RBM47: variants seen among roughly 807,000 people sequenced by gnomAD.
RBM47 encodes RNA-binding protein 47.
Under a neutral mutation model 47.1 loss-of-function variants are expected in RBM47, and 21 were observed. That is an observed-to-expected ratio of 0.45 (90% CI 0.32 to 0.64). The LOEUF is 0.64. Among genes scored for constraint, RBM47 ranks in the 30% least tolerant of loss-of-function variants. The pLI, the probability that RBM47 is intolerant of heterozygous loss-of-function variation, is 0.05. For missense variants in RBM47, 708 were observed against 870.9 expected, an observed-to-expected ratio of 0.81 and a Z score of 2.35; for synonymous variants, 375 against 361.7, an observed-to-expected ratio of 1.04 and a Z score of -0.42.
At chr4:40,470,629 C>T (rs920437340) in intron 2 of RBM47, among the ~76,000 whole-genome samples, 1 of 152,180 alleles carries the variant, frequency 6.6e-6, no homozygotes, top group Admixed American at 6.5e-5. Flanking sequence ...AGTCTAATAT[C>T]AAGTCATGTC....
Position 40,436,648 on chromosome 4 carries a change from C to T in RBM47, c.1124-1G>A. ...CGCCCTCGGCCTCTTATGCTGCCTG[C>T]TTGTAATAACAACACAAAAGATGAT... is the stretch of plus-strand genomic sequence containing the variant. On this transcript the variant is annotated splice_acceptor_variant, in intron 4 of 6. Transcript: ENST00000295971. LOFTEE classifies it high-confidence loss of function. 6.2e-7 allele frequency: 1 copy of T among 1,613,574 alleles called. No homozygotes were observed. The highest frequency in any genetic ancestry group is 8.5e-7 in the Non-Finnish European group (1 of 1,179,816).
At chr4:40,619,492 G>A (rs1002898198) in intron 1 of RBM47, among the ~76,000 whole-genome samples, 8 of 152,160 alleles carry the variant, frequency 5.3e-5, no homozygotes, top group African/African-American at 1.7e-4. Flanking sequence ...ATGGTCTTTA[G>A]TGACCCACAT....
chr4:40,560,038 C>T (rs1730460820), intron 1 of RBM47, among the ~76,000 whole-genome samples: 1 of 152,160 alleles, frequency 6.6e-6, no homozygotes, highest in Non-Finnish European at 1.5e-5. Context: ...CTTGATATTA[C>T]TCTCTTATTT....
chr4:40,438,082 G>T lies in RBM47; in HGVS notation c.812C>A (p.Pro271His), dbSNP rs781752324. 1.2e-6 allele frequency: 2 copies of T among 1,613,714 alleles called. No individual in the cohort carries two copies. Among genetic ancestry groups the T allele is most frequent in the African/African-American group, 2.7e-5 (2 of 74,922 alleles). Reference sequence around the variant, plus strand: ...CTTCTTGACGCGCTCCACGCAGCCGGGGTTGAACTGGCCGAAGCTCTTCTT... The same window carrying T: ...CTTCTTGACGCGCTCCACGCAGCCGTGGTTGAACTGGCCGAAGCTCTTCTT... ...TIKKSFGQFNPGCVERVKKIR... is the reference protein window; with the variant it reads ...TIKKSFGQFNHGCVERVKKIR... Residue 271 changes from proline (P) to histidine (H), a missense_variant, in exon 4 of 7, where the codon CCC (proline) becomes CAC (histidine). Transcript: ENST00000295971.
chr4:40,530,288 T>C (rs1225050530), intron 2 of RBM47, among the ~76,000 whole-genome samples: 1 of 151,910 alleles, frequency 6.6e-6, no homozygotes, highest in Non-Finnish European at 1.5e-5. Flanking sequence ...TTAATTTTAA[T>C]TAAATTATTA....
intron 2 of RBM47, among the ~76,000 whole-genome samples, chr4:40,516,315 C>T (rs1438065834): frequency 1.4e-5 from 2 of 144,556 alleles, no homozygotes; most frequent in Admixed American, 1.4e-4. Flanking sequence ...GGCTGGAGTG[C>T]AGTGGCACAA....
At chr4:40,596,225 G>A (rs1177663492) in intron 1 of RBM47, among the ~76,000 whole-genome samples, 6 of 152,242 alleles carry the variant, frequency 3.9e-5, no homozygotes, top group Admixed American at 3.9e-4. Context: ...AGAGCAAGAG[G>A]AAAGAAGCTT....
At chr4:40,611,245 T>A (rs1736232426) in intron 1 of RBM47, among the ~76,000 whole-genome samples, 1 of 152,226 alleles carries the variant, frequency 6.6e-6, no homozygotes, top group Non-Finnish European at 1.5e-5. Context: ...AATGAATATC[T>A]CTATTCTAGA....
chr4:40,471,713 G>A (rs1718900206), intron 2 of RBM47, among the ~76,000 whole-genome samples: 1 of 150,102 alleles, frequency 6.7e-6, no homozygotes, highest in Non-Finnish European at 1.5e-5. Context: ...AAAAAAGGAA[G>A]CGTTTTATCA....
At chr4:40,537,991 G>A (rs1030402458) in intron 2 of RBM47, among the ~76,000 whole-genome samples, 2 of 131,342 alleles carry the variant, frequency 1.5e-5, no homozygotes, top group Non-Finnish European at 3.2e-5. Context: ...AGGCGTGTGC[G>A]TGTGCCACCA....
intron 5 of RBM47, among the ~76,000 whole-genome samples, chr4:40,435,812 T>C (rs1366710734): frequency 6.6e-6 from 1 of 151,928 alleles, no homozygotes; most frequent in Non-Finnish European, 1.5e-5. Flanking sequence ...CAACTCTCCT[T>C]ACTTAGCCAC....
intron 1 of RBM47, among the ~76,000 whole-genome samples, chr4:40,600,850 T>C (rs1186699376): frequency 6.7e-6 from 1 of 150,054 alleles, no homozygotes; most frequent in Non-Finnish European, 1.5e-5. Context: ...CCAGGCGTGG[T>C]GCCAGGCACC....
intron 3 of RBM47, among the ~76,000 whole-genome samples, chr4:40,441,107 CA>C (rs1255318627): frequency 1.6e-4 from 25 of 151,802 alleles, no homozygotes; most frequent in African/African-American, 2.9e-4. Flanking sequence ...AGTTGAAAAA[CA>C]TTTTTTTTTC....
intron 1 of RBM47, among the ~76,000 whole-genome samples, chr4:40,618,808 CAAAAAAAAAAAAAA>C (rs35543412): frequency 3.6e-5 from 1 of 27,594 alleles, no homozygotes; most frequent in Non-Finnish European, 6.8e-5. Flanking sequence ...GACTCCATCT[CAAAAAAAAAAAAAA>C]AAAAAAAAAA....
intron 2 of RBM47, among the ~76,000 whole-genome samples, chr4:40,487,939 GA>G (rs57471161): frequency 0.42 from 63,114 of 151,722 alleles, 13,405 homozygotes; most frequent in African/African-American, 0.5. Flanking sequence ...CCAGAGGAGG[GA>G]AAAAAACGGA....
intron 1 of RBM47, among the ~76,000 whole-genome samples, chr4:40,593,981 G>A (rs970054823): frequency 9.9e-5 from 15 of 152,118 alleles, no homozygotes; most frequent in African/African-American, 2.9e-4. Flanking sequence ...GAACCCAGGA[G>A]GCAGAGGTTG....
At chr4:40,549,244 A>G (rs1177182141) in intron 1 of RBM47, among the ~76,000 whole-genome samples, 1 of 151,422 alleles carries the variant, frequency 6.6e-6, no homozygotes, top group East Asian at 2.0e-4. Flanking sequence ...GGCACGCACC[A>G]CCGTGCCCAG....
At chr4:40,490,329 G>C (rs1721698610) in intron 2 of RBM47, among the ~76,000 whole-genome samples, 1 of 152,018 alleles carries the variant, frequency 6.6e-6, no homozygotes, top group South Asian at 2.1e-4. Flanking sequence ...ATCCATATGG[G>C]AAAGGAAGAA....
At chr4:40,523,148 G>C (rs1726365321) in intron 2 of RBM47, among the ~76,000 whole-genome samples, 1 of 151,646 alleles carries the variant, frequency 6.6e-6, no homozygotes, top group Admixed American at 6.6e-5. Context: ...GATATTTTTA[G>C]TAGAGACAGT....
Sources: gnomAD v4.1 joint callset for allele counts (sites outside exome capture counted in the v4.1 genomes callset) on GRCh38, gnomAD v4.1.1 for gene constraint, MANE v1.5 for transcripts, NCBI Gene and HGNC (gene_info 2026-07-23, HGNC 2026-07-21) for gene names.